COG8: variants seen among roughly 807,000 people sequenced by gnomAD.
COG8 encodes the protein conserved oligomeric Golgi complex subunit 8.
In COG8, 45 loss-of-function variants were observed where a neutral mutation model predicts 46.5. The ratio of observed to expected loss-of-function variants is 0.97; its 90% CI spans 0.76 to 1.24. The LOEUF (loss-of-function observed/expected upper bound fraction) is 1.24, where lower values mean the gene tolerates loss of function less well. Among genes scored for constraint, COG8 ranks in the 50% most tolerant of loss-of-function variants. The pLI is 0.00. For synonymous variants in COG8, 407 were observed against 347.8 expected (o/e 1.17, Z -1.90); for missense variants, 793 against 820.8 (o/e 0.97, Z 0.41).
intron 5 of COG8, chr16:69,330,310 T>C (rs1345391567): frequency 7.0e-7 from 1 of 1,438,450 alleles, no homozygotes; most frequent in Admixed American, 2.9e-5. Context: ...CGGGCCCGCC[T>C]AGCTGCGCCC....
Position 69,334,602 on chromosome 16 carries a change from A to C in COG8, c.1332T>G (p.Val444=). 1 of 1,614,196 alleles carries C rather than the reference A, an allele frequency of 6.2e-7. No individual in the cohort carries two copies. Among genetic ancestry groups the C allele is most frequent in the Non-Finnish European group, 8.5e-7 (1 of 1,180,052 alleles). Reference sequence around the variant, plus strand: ...AGCAGAGGCGCAGATCATTGAAGGCAACCAGAATATTGTTGAGAAAGCAGG... The same window carrying C: ...AGCAGAGGCGCAGATCATTGAAGGCCACCAGAATATTGTTGAGAAAGCAGG... ...PLACFLNNIL[V]AFNDLRLCCP... Residue 444 remains valine (V), a synonymous_variant, in exon 3 of 6, where the codon GTT becomes GTG. Coordinates refer to ENST00000306875, the MANE Select transcript of COG8 (RefSeq NM_032382.5).
In COG8 at chr16:69,330,985, G is replaced by C. The variant is rs975167103; in HGVS notation, c.1693C>G (p.Leu565Val). 2 of 1,605,544 alleles carry C rather than the reference G, an allele frequency of 1.2e-6. No individual in the cohort carries two copies. Among genetic ancestry groups the C allele is most frequent in the African/African-American group, 1.3e-5 (1 of 74,858 alleles). ...ILPKRETLFT[L>V]DDQALGPELT... ...TCGGGCCCCAGCGCCTGGTCATCCA[G>C]GGTGAAAAGCGTCTCTCTCTTTGGC... is the stretch of plus-strand genomic sequence containing the variant. The change falls in exon 5 of 6, where the codon CTG (leucine) becomes GTG (valine). Residue 565 changes from leucine (L) to valine (V), a missense_variant. Leu to Val is a conservative substitution (Grantham distance 32). Transcript: ENST00000306875.
chr16:69,331,407 C>T (rs1315327074), intron 4 of COG8, among the ~76,000 whole-genome samples: 8 of 139,908 alleles, frequency 5.7e-5, no homozygotes, highest in African/African-American at 1.6e-4. Context: ...TAGCCGAGAT[C>T]GCGCCATTGC....
chr16:69,329,861 C>G, intron 5 of COG8: 1 of 1,126,586 alleles, frequency 8.9e-7, no homozygotes, highest in Non-Finnish European at 1.2e-6. Context: ...CGTCCTGAGG[C>G]CTCTCCGCTC....
At chr16:69,335,799 GA>G (rs1435033836) in intron 2 of COG8, among the ~76,000 whole-genome samples, 2 of 148,348 alleles carry the variant, frequency 1.3e-5, no homozygotes, top group Non-Finnish European at 3.0e-5. Context: ...CTGGGGGACA[GA>G]GCGAGACTCT....
intron 4 of COG8, among the ~76,000 whole-genome samples, chr16:69,332,348 CAA>C (rs528941857): frequency 7.7e-6 from 1 of 130,688 alleles, no homozygotes; most frequent in Non-Finnish European, 1.7e-5. Flanking sequence ...GACTCCGCCT[CAA>C]AAAAAAAAAA....
intron 5 of COG8, 29 bp from the exon 6 acceptor site, chr16:69,329,208 T>G: frequency 6.4e-7 from 1 of 1,552,786 alleles, no homozygotes; most frequent in African/African-American, 1.4e-5. Context: ...CCCTGGTGAG[T>G]GGGAACAGCT....
rs902650775 is a variant in COG8, at chr16:69,330,849, A to C, written c.1829T>G (p.Val610Gly). ...RAETQAEPPS[V>G]GP ...GGCAGGGGACGCCGGCTAGGGCCCC[A>C]CGCTGGGCGGTTCGGCCTGCGTCTC... is the stretch of plus-strand genomic sequence containing the variant. The change falls in exon 5 of 6, where the codon GTG becomes GGG. Residue 610 changes from valine to glycine, a missense_variant. Coordinates refer to ENST00000306875, the MANE Select transcript of COG8 (RefSeq NM_032382.5). 7.8e-6 allele frequency: 12 copies of C among 1,539,688 alleles called. No individual in the cohort carries two copies. Among genetic ancestry groups the C allele is most frequent in the Non-Finnish European group, 9.6e-6 (11 of 1,145,074 alleles).
Position 69,339,429 on chromosome 16 carries a change from C to G in COG8, c.124G>C (p.Glu42Gln). Residue 42 changes from glutamate to glutamine, a missense_variant, in exon 1 of 6, where the codon GAG becomes CAG. Transcript: ENST00000306875. ...AGGTAGCGGCCCACATCGGGCCGCT[C>G]GCGCCACTGGGCCTCGGGGAAGCGG... ...RDRFPEAQWR[E>Q]RPDVGRYLRE... 1 of 1,586,360 alleles carries G rather than the reference C, an allele frequency of 6.3e-7. No individual in the cohort carries two copies. The highest frequency in any genetic ancestry group is 8.5e-7 in the Non-Finnish European group (1 of 1,171,712).
intron 5 of COG8, chr16:69,330,266 ACCTGGACCAGC>A (rs1461766109): frequency 7.0e-7 from 1 of 1,438,168 alleles, no homozygotes; most frequent in Admixed American, 3.0e-5. Context: ...CCGCCGCATC[ACCTGGACCAGC>A]CGTTGCGTCA....
chr16:69,339,244 C>G lies in COG8; in HGVS notation c.309G>C (p.Leu103=), dbSNP rs574310735. The change falls in exon 1 of 6, where the codon CTG becomes CTC. Residue 103 remains leucine (L), a synonymous_variant. Coordinates refer to ENST00000306875, the MANE Select transcript of COG8 (RefSeq NM_032382.5). ...CGAGCGACGCCTCCACGTCGCCAAA[C>G]AGGCGGTGGATGCGCTCGGTGCACT... ...GAECTERIHR[L]FGDVEASLGR... The G allele has an allele frequency of 5.6e-6, 9 of 1,612,790 alleles. No homozygotes were observed. The East Asian group carries it at 1.6e-4, about 28-fold the overall frequency.
intron 2 of COG8, among the ~76,000 whole-genome samples, chr16:69,335,589 G>A (rs893638216): frequency 6.6e-6 from 1 of 152,156 alleles, no homozygotes; most frequent in Non-Finnish European, 1.5e-5. Flanking sequence ...ACCGTGGGCA[G>A]GCAGGTCACT....
rs1344012585 is a variant in COG8, at chr16:69,339,310, G to A, written c.243C>T (p.Asp81=). ...ERAQLLQQTR[D]LAFANYKTFI... ...AGGTCTTGTAGTTAGCGAAGGCCAAGTCGCGCGTCTGCTGCAGCAGCTGCG... is the reference window on the plus strand; with the variant it reads ...AGGTCTTGTAGTTAGCGAAGGCCAAATCGCGCGTCTGCTGCAGCAGCTGCG... Residue 81 remains aspartate (D), a synonymous_variant, in exon 1 of 6, where the codon GAC becomes GAT. Transcript: ENST00000306875. 2.5e-6 allele frequency: 4 copies of A among 1,611,280 alleles called. No individual in the cohort carries two copies. Among genetic ancestry groups the A allele is most frequent in the Non-Finnish European group, 1.7e-6 (2 of 1,179,416 alleles).
In COG8 at chr16:69,339,180, A is replaced by G. The variant is rs1242220967; in HGVS notation, c.373T>C (p.Cys125Arg). ...LDRLPSFQQS[C>R]RNFVKEAEEI... ...TTAGCGCCAGGCGCGTCGCACCTGC[A>G]GCTCTGCTGGAAGCTGGGCAAACGG... Residue 125 changes from cysteine to arginine, a missense_variant, in exon 1 of 6, where the codon TGC becomes CGC. Coordinates refer to ENST00000306875, the MANE Select transcript of COG8 (RefSeq NM_032382.5). 3.1e-6 allele frequency: 5 copies of G among 1,612,940 alleles called. No individual in the cohort carries two copies. The highest frequency in any genetic ancestry group is 3.4e-6 in the Non-Finnish European group (4 of 1,179,906).
At chr16:69,338,024 A>G (rs12708897) in intron 1 of COG8, among the ~76,000 whole-genome samples, 50,440 of 151,330 alleles carry the variant, frequency 0.33, 8,913 homozygotes, top group African/African-American at 0.42. Flanking sequence ...GAGCCACCGC[A>G]CCCAGCCTTT....
In COG8 at chr16:69,329,014, GC is replaced by G; in HGVS notation, c.*191del. The G allele has an allele frequency of 6.2e-7, 1 of 1,602,552 alleles. No homozygotes were observed. Among genetic ancestry groups the G allele is most frequent in the Admixed American group, 1.7e-5 (1 of 58,274 alleles). On this transcript the variant is annotated 3_prime_UTR_variant, in exon 6 of 6. Coordinates refer to ENST00000306875, the MANE Select transcript of COG8 (RefSeq NM_032382.5). ...GTATCCGGAATCCTCAGCCCCAGTA[GC>G]AAAGCTTTAGTCATTCACCTTCATC...
At chr16:69,332,399 G>A (rs1161688978) in intron 4 of COG8, among the ~76,000 whole-genome samples, 1 of 151,858 alleles carries the variant, frequency 6.6e-6, no homozygotes, top group African/African-American at 2.4e-5. Context: ...TCACATAAAT[G>A]GAATCATACG....
At position 69,334,535 on chromosome 16, in the gene COG8, C is replaced by G; in HGVS notation, c.1399G>C (p.Asp467His). The G allele has an allele frequency of 1.2e-6, 2 of 1,614,054 alleles. No homozygotes were observed. The highest frequency in any genetic ancestry group is 2.2e-5 in the South Asian group (2 of 91,068). ...AATGTGCTCACCTTGGCAAGGGCAT[C>G]TTCCAAGGCCCCAGTCACATCCTGC... is the stretch of plus-strand genomic sequence containing the variant. ...LAQDVTGALEDALAKVTKIIL... is the reference protein window; with the variant it reads ...LAQDVTGALEHALAKVTKIIL... Residue 467 changes from aspartate to histidine, a missense_variant, in exon 3 of 6, where the codon GAT (aspartate) becomes CAT (histidine). Physicochemically the swap from Asp to His is moderately conservative, Grantham distance 81. Coordinates refer to ENST00000306875, the MANE Select transcript of COG8 (RefSeq NM_032382.5).
At chr16:69,330,791 C>A (rs1302345397) in intron 5 of COG8, 22 bp downstream of exon 5, 3 of 1,508,232 alleles carry the variant, frequency 2.0e-6, no homozygotes, top group Admixed American at 4.2e-5. Flanking sequence ...CCTGGCCACC[C>A]CGCGCCGGGA....
Sources: gnomAD v4.1 joint callset for allele counts (sites outside exome capture counted in the v4.1 genomes callset) on GRCh38, gnomAD v4.1.1 for gene constraint, MANE v1.5 for transcripts, NCBI Gene and HGNC (gene_info 2026-07-23, HGNC 2026-07-21) for gene names.